The following UHRF1 variants were observed in gnomAD, a reference collection of about 807,000 sequenced individuals.
The protein encoded by UHRF1 is ubiquitin like with PHD and ring finger domains 1.
Under a neutral mutation model 96.5 loss-of-function variants are expected in UHRF1, and 9 were observed. That is an observed-to-expected ratio of 0.09 (90% CI 0.06 to 0.16). The LOEUF is 0.16. Among genes scored for constraint, UHRF1 ranks in the 10% least tolerant of loss-of-function variants. The pLI, the probability that UHRF1 is intolerant of heterozygous loss-of-function variation, is 1.00. For synonymous variants in UHRF1, 455 were observed against 469.9 expected (o/e 0.97, Z 0.41); for missense variants, 626 against 1,131.1 (o/e 0.55, Z 6.40).
rs2033974852 is a variant in UHRF1, at chr19:4,961,018, A to G, written c.*215A>G. ...CTGGCTAAAAGTTGGACTTCTCAGT[A>G]TTGTGTTTAGTTCTTTGAAAACATA... On this transcript the variant is annotated 3_prime_UTR_variant, in exon 17 of 17. Transcript: ENST00000650932. 3.5e-6 allele frequency: 1 copy of G among 287,050 alleles called. No homozygotes were observed. The highest frequency in any genetic ancestry group is 4.0e-5 in the African/African-American group (1 of 24,728). 17.8% of individuals were successfully genotyped at this position (287,050 alleles called of 1,614,324 possible). A position where few individuals can be genotyped will look rare whatever the true frequency, so the allele number is the denominator to read the frequency against.
rs568432638 is a variant in UHRF1 at position 4,941,215 on chromosome 19, C to T, written c.786-313C>T. ...AAGTGATTCTTCTGCCTCAGCCTCCCGAGTAGCTGGGATTACATGCGCGCT... is the reference window on the plus strand; with the variant it reads ...AAGTGATTCTTCTGCCTCAGCCTCCTGAGTAGCTGGGATTACATGCGCGCT... On this transcript the variant is annotated intron_variant, in intron 5 of 16. Coordinates refer to ENST00000650932, the MANE Select transcript of UHRF1 (RefSeq NM_001048201.3). Among the ~76,000 whole-genome samples the T allele has an allele frequency of 9.3e-5, 14 of 150,006 alleles. 1 individual carries two copies. Among genetic ancestry groups the T allele is most frequent in the South Asian group, 2.1e-4 (1 of 4,726 alleles).
intron 2 of UHRF1, among the ~76,000 whole-genome samples, chr19:4,918,805 C>G (rs536182321): frequency 8.0e-5 from 12 of 149,914 alleles, no homozygotes; most frequent in African/African-American, 3.0e-4. Flanking sequence ...ACTGCAGCCT[C>G]GAATTCCTGA....
chr19:4,921,657 C>T (rs560943521), intron 2 of UHRF1, among the ~76,000 whole-genome samples: 2 of 150,054 alleles, frequency 1.3e-5, no homozygotes, highest in South Asian at 2.1e-4. Context: ...TTGGAGGGGC[C>T]GAGGCGGGAG....
rs1048297475 is a variant in UHRF1, at chr19:4,945,205, C to G, written c.1306-656C>G. On this transcript the variant is annotated intron_variant, in intron 9 of 16. Transcript: ENST00000650932. ...AGTGAGTGGCAGGCTGCACCTCAAC[C>G]GGCCTAATGAAGGCCGGCTTTTATA... Among the ~76,000 whole-genome samples the G allele has an allele frequency of 2.6e-5, 4 of 152,186 alleles. No individual in the cohort carries two copies. In the South Asian group the frequency reaches 8.3e-4, roughly 31 times the overall value.
intron 1 of UHRF1, among the ~76,000 whole-genome samples, chr19:4,904,167 C>CTTTTTG (rs922644431): frequency 5.3e-5 from 8 of 151,096 alleles, no homozygotes; most frequent in Non-Finnish European, 1.2e-4. Flanking sequence ...AATTTTTGTT[C>CTTTTTG]TTTTTGTTTT....
At chr19:4,937,660 G>A (rs759583740) in intron 5 of UHRF1, among the ~76,000 whole-genome samples, 14 of 152,096 alleles carry the variant, frequency 9.2e-5, no homozygotes, top group African/African-American at 2.7e-4. Flanking sequence ...CACTTCGCCC[G>A]GCCAGTTTAG....
chr19:4,954,603 C>G lies in UHRF1; in HGVS notation c.1958-47C>G. Reference sequence around the variant, plus strand: ...TGGGAGCCGGTGGCTGTCTCTCCGGCAGCTCGGGCCACGCGCCCCTCCCTC... The same window carrying G: ...TGGGAGCCGGTGGCTGTCTCTCCGGGAGCTCGGGCCACGCGCCCCTCCCTC... On this transcript the variant is annotated intron_variant, in intron 14 of 16. Transcript: ENST00000650932. The surrounding 1 kb of genome is among the most constrained non-coding windows in gnomAD (Gnocchi z 5.9). 6.3e-7 allele frequency: 1 copy of G among 1,598,528 alleles called. No homozygotes were observed. The highest frequency in any genetic ancestry group is 8.5e-7 in the Non-Finnish European group (1 of 1,171,960).
At chr19:4,913,907 G>A (rs966486469) in intron 2 of UHRF1, among the ~76,000 whole-genome samples, 1 of 148,010 alleles carries the variant, frequency 6.8e-6, no homozygotes, top group Non-Finnish European at 1.5e-5. Flanking sequence ...CACCTCCTGG[G>A]TTCCAGCGAT....
intron 5 of UHRF1, among the ~76,000 whole-genome samples, chr19:4,938,779 T>C (rs556322467): frequency 1.5e-4 from 21 of 141,016 alleles, no homozygotes; most frequent in African/African-American, 5.7e-4. Flanking sequence ...GGTCTTGCTC[T>C]GTTGCCCAGG....
chr19:4,935,063 T>G (rs1229292301), intron 5 of UHRF1, among the ~76,000 whole-genome samples: 2 of 151,996 alleles, frequency 1.3e-5, no homozygotes, highest in Non-Finnish European at 1.5e-5. Context: ...AACCTCCACC[T>G]CCCGGGTTCA....
At position 4,961,904 on chromosome 19, in the gene UHRF1, G is replaced by C. The variant is rs2033996273; in HGVS notation, c.*1101G>C. ...TTTGTTTTTGTATTTTTTTTCTTTT[G>C]AAAGGGTTTGTTAATTTTTCTAATT... On this transcript the variant is annotated 3_prime_UTR_variant, in exon 17 of 17. Coordinates refer to ENST00000650932, the MANE Select transcript of UHRF1 (RefSeq NM_001048201.3). The C allele has an allele frequency of 7.4e-6, 1 of 134,598 alleles. No individual in the cohort carries two copies. The highest frequency in any genetic ancestry group is 2.5e-5 in the African/African-American group (1 of 39,642). The allele number at this position is 134,598 out of a possible 1,614,324, so 8.3% of individuals were successfully genotyped here. A position where few individuals can be genotyped will look rare whatever the true frequency, so the allele number is the denominator to read the frequency against.
At chr19:4,922,415 AC>A (rs1262279982) in intron 2 of UHRF1, among the ~76,000 whole-genome samples, 2 of 150,766 alleles carry the variant, frequency 1.3e-5, no homozygotes, top group Non-Finnish European at 2.9e-5. Context: ...ACAGGCGCCC[AC>A]CACCACGCCC....
At chr19:4,953,261 G>A (rs1460420301) in intron 13 of UHRF1, among the ~76,000 whole-genome samples, 3 of 152,164 alleles carry the variant, frequency 2.0e-5, no homozygotes, top group African/African-American at 4.8e-5. Context: ...TTACCAGGGG[G>A]ACACTTCGAA....
chr19:4,933,014 C>A (rs2033105652), intron 5 of UHRF1, 58 bp downstream of exon 5: 1 of 1,512,052 alleles, frequency 6.6e-7, no homozygotes, highest in Non-Finnish European at 8.9e-7. Context: ...CTCCCGGGGC[C>A]CCCGGACTGG....
intron 13 of UHRF1, among the ~76,000 whole-genome samples, chr19:4,951,296 GCT>G: frequency 6.6e-6 from 1 of 152,214 alleles, no homozygotes; most frequent in East Asian, 1.9e-4. Context: ...CTCCATGACG[GCT>G]CTGACACTTC....
intron 2 of UHRF1, among the ~76,000 whole-genome samples, chr19:4,915,912 CAG>C (rs1035584208): frequency 3.7e-4 from 56 of 152,218 alleles, no homozygotes; most frequent in African/African-American, 1.3e-3. Context: ...CTTTCCAGGT[CAG>C]GGGTTCTCAA....
In UHRF1 at chr19:4,921,334, G is replaced by A. The variant is rs1485298132; in HGVS notation, c.154-7888G>A. Reference sequence around the variant, plus strand: ...CATGTCTGTCATCGCAGCTACTCGGGAGGCTGAGGCAGGAGAATTGCTTGA... The same window carrying A: ...CATGTCTGTCATCGCAGCTACTCGGAAGGCTGAGGCAGGAGAATTGCTTGA... On this transcript the variant is annotated intron_variant, in intron 2 of 16. Coordinates refer to ENST00000650932, the MANE Select transcript of UHRF1 (RefSeq NM_001048201.3). Among the ~76,000 whole-genome samples, 3 of 152,110 alleles carry A rather than the reference G, an allele frequency of 2.0e-5. No individual in the cohort carries two copies. The East Asian group carries it at 5.8e-4, about 29-fold the overall frequency.
chr19:4,946,018 G>A, intron 10 of UHRF1, 53 bp downstream of exon 10: 1 of 1,386,782 alleles, frequency 7.2e-7, no homozygotes, highest in Non-Finnish European at 9.9e-7. Context: ...TTTTTGGATG[G>A]TGGTAAAATA....
chr19:4,954,675 C>A lies in UHRF1; in HGVS notation c.1983C>A (p.Ser661=). 1.2e-6 allele frequency: 2 copies of A among 1,613,116 alleles called. No individual in the cohort carries two copies. The highest frequency in any genetic ancestry group is 1.1e-5 in the South Asian group (1 of 91,040). Residue 661 remains serine, a synonymous_variant, in exon 15 of 17, where the codon TCC becomes TCA. Transcript: ENST00000650932. This position sits in a 1 kb window ranked among gnomAD's most constrained non-coding sequence, Gnocchi z 5.9. ...GAGGTGGCCCGAGCAGGGCCGGGTC[C>A]CCGCGCCGGACATCCAAGAAAACCA... is the stretch of plus-strand genomic sequence containing the variant. The part of the protein sequence containing the change: ...SAGGGPSRAG[S]PRRTSKKTKV...
Sources: gnomAD v4.1 joint callset for allele counts (sites outside exome capture counted in the v4.1 genomes callset) on GRCh38, gnomAD v4.1.1 for gene constraint, Gnocchi (gnomAD v3.1) non-coding constraint, MANE v1.5 for transcripts, NCBI Gene and HGNC (gene_info 2026-07-23, HGNC 2026-07-21) for gene names.